Variants in CHST8 observed in about 807,000 individuals in gnomAD.
The protein encoded by CHST8 is GALNAC-4-ST1.
Under a neutral mutation model 15.0 loss-of-function variants are expected in CHST8, and 10 were observed. The ratio of observed to expected loss-of-function variants is 0.67; its 90% confidence interval spans 0.41 to 1.13. The LOEUF (loss-of-function observed/expected upper bound fraction) is 1.13. Among genes scored for constraint, CHST8 ranks in the 50% most tolerant of loss-of-function variants. CHST8 has a pLI of 0.00. For missense variants in CHST8, 634 were observed against 608.2 expected (o/e 1.04, Z -0.45); for synonymous variants, 259 against 256.6 (o/e 1.01, Z -0.09).
At chr19:33,712,640 G>A (rs1280966209) in intron 3 of CHST8, among the ~76,000 whole-genome samples, 3 of 152,178 alleles carry the variant, frequency 2.0e-5, no homozygotes, top group Admixed American at 6.5e-5. Context: ...CAGGTGTCAA[G>A]GTAGCACATA....
intron 3 of CHST8, among the ~76,000 whole-genome samples, chr19:33,770,878 AGAG>A (rs1568365003): frequency 6.6e-6 from 1 of 152,220 alleles, no homozygotes. Context: ...TCCTGTAGCA[AGAG>A]GAGAAGAAGC....
intron 2 of CHST8, among the ~76,000 whole-genome samples, chr19:33,675,615 G>A (rs1049024825): frequency 1.6e-4 from 25 of 152,212 alleles, no homozygotes; most frequent in Admixed American, 9.2e-4. Flanking sequence ...CAACACCCCA[G>A]CCTCCTTCCT....
At chr19:33,648,556 C>T (rs986412846) in intron 1 of CHST8, among the ~76,000 whole-genome samples, 1 of 152,140 alleles carries the variant, frequency 6.6e-6, no homozygotes, top group African/African-American at 2.4e-5. Context: ...AAAGTACTCC[C>T]ATCTCTAAAA....
intron 3 of CHST8, among the ~76,000 whole-genome samples, chr19:33,728,423 C>T (rs993442152): frequency 2.0e-5 from 3 of 152,348 alleles, no homozygotes; most frequent in Non-Finnish European, 4.4e-5. Context: ...TGTCACACCC[C>T]TCAACAGTGA....
At chr19:33,666,014 G>A (rs1001273170) in intron 1 of CHST8, among the ~76,000 whole-genome samples, 1 of 152,232 alleles carries the variant, frequency 6.6e-6, no homozygotes, top group African/African-American at 2.4e-5. Context: ...TGTCGGAAAC[G>A]GCTGTGCCCC....
chr19:33,679,964 T>C (rs949886648), intron 2 of CHST8, among the ~76,000 whole-genome samples: 24 of 152,062 alleles, frequency 1.6e-4, no homozygotes, highest in African/African-American at 5.6e-4. Flanking sequence ...GGTGTAAGGG[T>C]CCAGCCCTAT....
At chr19:33,665,104 G>T (rs2145225792) in intron 1 of CHST8, among the ~76,000 whole-genome samples, 1 of 152,242 alleles carries the variant, frequency 6.6e-6, no homozygotes, top group South Asian at 2.1e-4. Context: ...CTTTCTTTTG[G>T]ATATATACCC....
At chr19:33,693,907 G>A (rs1056363881) in intron 3 of CHST8, among the ~76,000 whole-genome samples, 6 of 151,378 alleles carry the variant, frequency 4.0e-5, no homozygotes, top group Non-Finnish European at 7.4e-5. Flanking sequence ...TTACACAGTG[G>A]CAATGTTCTG....
At chr19:33,686,210 G>A (rs553060417) in intron 2 of CHST8, among the ~76,000 whole-genome samples, 21 of 152,196 alleles carry the variant, frequency 1.4e-4, no homozygotes, top group Non-Finnish European at 2.5e-4. Flanking sequence ...AAGGGGAAAC[G>A]TGAACAGATG....
At chr19:33,738,778 T>C (rs985716887) in intron 3 of CHST8, among the ~76,000 whole-genome samples, 1 of 152,044 alleles carries the variant, frequency 6.6e-6, no homozygotes, top group African/African-American at 2.4e-5. Flanking sequence ...TTAGTAGAGA[T>C]GAGGTTTCAC....
intron 3 of CHST8, among the ~76,000 whole-genome samples, chr19:33,729,819 C>T (rs117819810): frequency 0.019 from 2,858 of 152,214 alleles, 33 homozygotes; most frequent in Non-Finnish European, 0.027. Context: ...TAGAGATTGT[C>T]GACTGGTGGA....
At chr19:33,730,266 T>C in intron 3 of CHST8, among the ~76,000 whole-genome samples, 1 of 152,180 alleles carries the variant, frequency 6.6e-6, no homozygotes. Flanking sequence ...TGTAAAAGGA[T>C]CACTGGATGC....
intron 3 of CHST8, among the ~76,000 whole-genome samples, chr19:33,758,465 T>A (rs990868167): frequency 1.3e-5 from 2 of 152,120 alleles, no homozygotes; most frequent in African/African-American, 2.4e-5. Context: ...CGGCCTGCAG[T>A]GGGGGTCACT....
intron 3 of CHST8, among the ~76,000 whole-genome samples, chr19:33,711,853 G>T (rs770972046): frequency 1.3e-5 from 2 of 151,810 alleles, no homozygotes; most frequent in Admixed American, 6.6e-5. Context: ...GGCTGGTCTC[G>T]AACTCCTGAC....
At chr19:33,770,264 G>T (rs554287218) in intron 3 of CHST8, among the ~76,000 whole-genome samples, 3 of 152,214 alleles carry the variant, frequency 2.0e-5, no homozygotes, top group Non-Finnish European at 4.4e-5. Context: ...CCCCCCTCCC[G>T]CAGGCAGCAG....
chr19:33,732,673 A>G (rs1316714454), intron 3 of CHST8, among the ~76,000 whole-genome samples: 1 of 152,124 alleles, frequency 6.6e-6, no homozygotes, highest in East Asian at 1.9e-4. Context: ...CTCCTGGTCA[A>G]GAGCCCAAAC....
At chr19:33,708,413 T>C (rs1973485796) in intron 3 of CHST8, among the ~76,000 whole-genome samples, 1 of 152,234 alleles carries the variant, frequency 6.6e-6, no homozygotes, top group Admixed American at 6.5e-5. Context: ...TTGTGTATTG[T>C]GTGAGGTCTG....
intron 3 of CHST8, among the ~76,000 whole-genome samples, chr19:33,710,269 C>T (rs1209319603): frequency 6.6e-6 from 1 of 152,116 alleles, no homozygotes; most frequent in Non-Finnish European, 1.5e-5. Context: ...TTTTGTTGAT[C>T]TTTTCAAAGA....
Position 33,654,194 on chromosome 19 carries a change from G to C in CHST8, c.-163-13573G>C, listed in dbSNP as rs1972481717. On this transcript the variant is annotated intron_variant, in intron 1 of 4. Coordinates refer to ENST00000650847, the MANE Select transcript of CHST8 (RefSeq NM_001127895.2). ...CTCTTGGAATTCTACGGAGAGTGTT[G>C]AAATCTACATGCTTGTTTCCTGTAG... is the stretch of plus-strand genomic sequence containing the variant. 2.0e-5 allele frequency among the ~76,000 whole-genome samples: 3 copies of C among 152,096 alleles called. No homozygotes were observed. The South Asian group carries it at 6.2e-4, about 32-fold the overall frequency.
Sources: allele counts gnomAD v4.1 joint callset (sites outside exome capture counted in the v4.1 genomes callset), GRCh38; gene constraint gnomAD v4.1.1; transcripts MANE v1.5; gene names NCBI Gene and HGNC (gene_info 2026-07-23, HGNC 2026-07-21).